The following ERBB4 variants were observed in gnomAD, a reference collection of about 807,000 sequenced individuals.
ERBB4 encodes the protein receptor tyrosine-protein kinase erbB-4.
Under a neutral mutation model 158.0 loss-of-function variants are expected in ERBB4, and 42 were observed. The ratio of observed to expected loss-of-function variants is 0.27; its 90% CI spans 0.21 to 0.34. ERBB4 has a LOEUF of 0.34. ERBB4 is among the 10% of genes least tolerant of loss of function. The probability of loss-of-function intolerance (pLI) is 1.00; values close to 1 mark genes in which losing one functional copy is unlikely to be tolerated. For missense variants in ERBB4, 1,333 were observed against 1,624.1 expected (o/e 0.82, Z 3.08); for synonymous variants, 583 against 558.7 (o/e 1.04, Z -0.61).
At chr2:211,608,012 C>T (rs967873734) in intron 19 of ERBB4, among the ~76,000 whole-genome samples, 2 of 151,468 alleles carry the variant, frequency 1.3e-5, no homozygotes, top group African/African-American at 4.9e-5. Flanking sequence ...AGGCATAAGC[C>T]ACCATGCTCA....
chr2:211,795,468 T>G (rs1289206117), intron 3 of ERBB4, among the ~76,000 whole-genome samples: 1 of 151,938 alleles, frequency 6.6e-6, no homozygotes, highest in Non-Finnish European at 1.5e-5. Flanking sequence ...GTATTCATAC[T>G]AACATTGCTT....
intron 21 of ERBB4, among the ~76,000 whole-genome samples, chr2:211,429,806 AG>A (rs1262797988): frequency 6.6e-6 from 1 of 152,226 alleles, no homozygotes. Context: ...GTGTTAAAGA[AG>A]TAAGTTTAAA....
chr2:211,461,076 A>T (rs926348900), intron 20 of ERBB4, among the ~76,000 whole-genome samples: 7 of 122,630 alleles, frequency 5.7e-5, no homozygotes, highest in African/African-American at 1.9e-4. Flanking sequence ...TAACTCCTAG[A>T]GATTGGGGGA....
intron 2 of ERBB4, among the ~76,000 whole-genome samples, chr2:212,037,182 T>C (rs1353356089): frequency 6.6e-6 from 1 of 152,176 alleles, no homozygotes; most frequent in Admixed American, 6.5e-5. Flanking sequence ...TTTTGTCTGT[T>C]TAGTAAAAGG....
chr2:212,024,965 T>G (rs191693773), intron 2 of ERBB4, among the ~76,000 whole-genome samples: 4 of 151,984 alleles, frequency 2.6e-5, no homozygotes, highest in African/African-American at 9.6e-5. Flanking sequence ...CTGAGCTGTC[T>G]TCTCTATAAA....
chr2:212,014,369 C>T (rs147429187), intron 2 of ERBB4, among the ~76,000 whole-genome samples: 142 of 152,292 alleles, frequency 9.3e-4, no homozygotes, highest in Middle Eastern at 3.4e-3. Context: ...AAACAACTTG[C>T]TTTAAAGTAA....
At chr2:211,593,464 C>G (rs367694441) in intron 19 of ERBB4, among the ~76,000 whole-genome samples, 3 of 152,168 alleles carry the variant, frequency 2.0e-5, no homozygotes, top group Admixed American at 6.5e-5. Context: ...CAAACCAAAT[C>G]CACATCAAAA....
At chr2:212,108,110 T>A in intron 2 of ERBB4, among the ~76,000 whole-genome samples, 1 of 152,222 alleles carries the variant, frequency 6.6e-6, no homozygotes, top group African/African-American at 2.4e-5. Flanking sequence ...ACCTAGGTTT[T>A]CTATTTTTCC....
intron 13 of ERBB4, 58 bp downstream of exon 13, chr2:211,678,994 A>T: frequency 8.2e-7 from 1 of 1,219,582 alleles, no homozygotes. Flanking sequence ...AAAAAAAATC[A>T]GAACTAATCA....
chr2:212,293,849 A>AAG (rs1256983341), intron 1 of ERBB4, among the ~76,000 whole-genome samples: 1 of 109,362 alleles, frequency 9.1e-6, no homozygotes, highest in Non-Finnish European at 1.9e-5. Flanking sequence ...CTCTGTCTCA[A>AAG]AAAAAAAAAC....
intron 1 of ERBB4, among the ~76,000 whole-genome samples, chr2:212,370,955 C>A (rs2090064252): frequency 6.6e-6 from 1 of 152,078 alleles, no homozygotes; most frequent in Non-Finnish European, 1.5e-5. Context: ...CCCACATAAC[C>A]ATTATTTTCC....
At chr2:212,039,439 C>T (rs1213907579) in intron 2 of ERBB4, among the ~76,000 whole-genome samples, 1 of 152,080 alleles carries the variant, frequency 6.6e-6, no homozygotes, top group Admixed American at 6.5e-5. Flanking sequence ...CTACATTTTG[C>T]CTCTTTAATG....
intron 1 of ERBB4, among the ~76,000 whole-genome samples, chr2:212,514,392 ATTGT>A (rs1691706250): frequency 6.6e-6 from 1 of 152,248 alleles, no homozygotes. Flanking sequence ...GTTACACTTT[ATTGT>A]TTAAATATTA....
At chr2:212,281,099 CTTCT>C (rs747631323) in intron 1 of ERBB4, among the ~76,000 whole-genome samples, 3 of 151,550 alleles carry the variant, frequency 2.0e-5, no homozygotes, top group Non-Finnish European at 3.0e-5. Context: ...ACTGAAAGCC[CTTCT>C]TTTTTTTTCT....
chr2:212,042,386 T>G (rs981429427), intron 2 of ERBB4, among the ~76,000 whole-genome samples: 1 of 152,120 alleles, frequency 6.6e-6, no homozygotes, highest in Non-Finnish European at 1.5e-5. Context: ...CATCATGAAT[T>G]ATTTTACAAA....
chr2:212,302,873 A>G (rs966076836), intron 1 of ERBB4, among the ~76,000 whole-genome samples: 2 of 151,546 alleles, frequency 1.3e-5, no homozygotes, highest in African/African-American at 2.4e-5. Context: ...ATTTCTATGT[A>G]TAGACATAAA....
At chr2:212,469,945 C>G (rs770068685) in intron 1 of ERBB4, among the ~76,000 whole-genome samples, 1 of 152,122 alleles carries the variant, frequency 6.6e-6, no homozygotes, top group South Asian at 2.1e-4. Context: ...ATTATTAATA[C>G]TGTATTATTC....
chr2:211,931,470 G>A (rs764214503), intron 3 of ERBB4, among the ~76,000 whole-genome samples: 1 of 151,892 alleles, frequency 6.6e-6, no homozygotes, highest in Non-Finnish European at 1.5e-5. Flanking sequence ...CTACAGCACC[G>A]TTCTCTGCTG....
intron 2 of ERBB4, among the ~76,000 whole-genome samples, chr2:212,092,455 T>C (rs1192783016): frequency 6.6e-6 from 1 of 152,178 alleles, no homozygotes; most frequent in Non-Finnish European, 1.5e-5. Context: ...GAAAACCAGA[T>C]AGGACAAGGA....
Sources: allele counts gnomAD v4.1 joint callset (sites outside exome capture counted in the v4.1 genomes callset), GRCh38; gene constraint gnomAD v4.1.1; transcripts MANE v1.5; gene names NCBI Gene and HGNC (gene_info 2026-07-23, HGNC 2026-07-21).